LRRC4C: variants seen among roughly 807,000 people sequenced by gnomAD.
LRRC4C encodes the protein leucine rich repeat containing 4C, also known as leucine-rich repeat-containing protein 4C.
In LRRC4C, 5 loss-of-function variants were observed where a neutral mutation model predicts 33.6. The ratio of observed to expected loss-of-function variants is 0.15; its 90% CI spans 0.08 to 0.31. The LOEUF is 0.31. Among genes scored for constraint, LRRC4C ranks in the 10% least tolerant of loss-of-function variants. The pLI is 1.00. For missense variants in LRRC4C, 560 were observed against 796.7 expected, an observed-to-expected ratio of 0.70 and a Z score of 3.58; for synonymous variants, 329 against 302.0, an observed-to-expected ratio of 1.09 and a Z score of -0.93.
chr11:40,488,629 A>T (rs1953992245), intron 3 of LRRC4C, among the ~76,000 whole-genome samples: 1 of 151,962 alleles, frequency 6.6e-6, no homozygotes, highest in Non-Finnish European at 1.5e-5. Flanking sequence ...CTTCTCTTTC[A>T]GCAGCTAGAT....
In LRRC4C at chr11:40,191,012, G is replaced by A. The variant is rs1388061534; in HGVS notation, c.-95-50159C>T. ...GTTTTTTGATCTAGTCAGGGAAAAGGCAGCTACTATTGCTACTACTATTGA... is the reference window on the plus strand; with the variant it reads ...GTTTTTTGATCTAGTCAGGGAAAAGACAGCTACTATTGCTACTACTATTGA... On this transcript the variant is annotated intron_variant, in intron 5 of 6. Coordinates refer to ENST00000528697, the MANE Select transcript of LRRC4C (RefSeq NM_001258419.2). Among the ~76,000 whole-genome samples, 4 of 152,122 alleles carry A rather than the reference G, an allele frequency of 2.6e-5. No homozygotes were observed. The East Asian group carries it at 7.7e-4, about 29-fold the overall frequency.
At chr11:40,503,552 T>C (rs568722265) in intron 3 of LRRC4C, among the ~76,000 whole-genome samples, 24 of 152,294 alleles carry the variant, frequency 1.6e-4, no homozygotes, top group African/African-American at 5.8e-4. Context: ...CCCAATGCAA[T>C]CTTATACCAA....
At chr11:40,322,278 C>T (rs942555140) in intron 3 of LRRC4C, among the ~76,000 whole-genome samples, 6 of 151,886 alleles carry the variant, frequency 4.0e-5, no homozygotes, top group Non-Finnish European at 5.9e-5. Context: ...CAGAGTCTTA[C>T]TCTGTCACTC....
chr11:40,705,565 C>T (rs571067539), intron 2 of LRRC4C, among the ~76,000 whole-genome samples: 341 of 129,152 alleles, frequency 2.6e-3, no homozygotes, highest in Non-Finnish European at 4.2e-3. Flanking sequence ...CATAGTATTC[C>T]GTGGTGTATA....
chr11:40,162,586 A>G (rs780261158), intron 5 of LRRC4C, among the ~76,000 whole-genome samples: 1 of 152,158 alleles, frequency 6.6e-6, no homozygotes, highest in Non-Finnish European at 1.5e-5. Flanking sequence ...TTAGATGGTA[A>G]GGTACATAAA....
chr11:40,597,276 C>T (rs1959440600), intron 3 of LRRC4C, among the ~76,000 whole-genome samples: 1 of 152,090 alleles, frequency 6.6e-6, no homozygotes, highest in Admixed American at 6.6e-5. Context: ...AGAAATTAAG[C>T]TATAGACAAT....
At chr11:40,724,645 C>T (rs1357677950) in intron 2 of LRRC4C, among the ~76,000 whole-genome samples, 1 of 152,126 alleles carries the variant, frequency 6.6e-6, no homozygotes, top group African/African-American at 2.4e-5. Flanking sequence ...CAAATACCTA[C>T]ATCAATACCA....
At chr11:40,857,159 T>A (rs7944536) in intron 2 of LRRC4C, among the ~76,000 whole-genome samples, 23,685 of 152,212 alleles carry the variant, frequency 0.16, 3,861 homozygotes, top group African/African-American at 0.42. Flanking sequence ...TGGAATAAAA[T>A]AATTTTACAC....
chr11:40,320,965 C>A (rs1470073533), intron 3 of LRRC4C, among the ~76,000 whole-genome samples: 1 of 152,090 alleles, frequency 6.6e-6, no homozygotes, highest in Non-Finnish European at 1.5e-5. Flanking sequence ...ATTTGAGATT[C>A]ATGTATTACT....
chr11:40,367,639 T>C (rs1182957071), intron 3 of LRRC4C, among the ~76,000 whole-genome samples: 2 of 152,130 alleles, frequency 1.3e-5, no homozygotes, highest in Admixed American at 6.6e-5. Context: ...TTCCAAGTCA[T>C]GGACCTGCTT....
intron 2 of LRRC4C, among the ~76,000 whole-genome samples, chr11:40,717,828 C>T (rs1946808366): frequency 6.6e-6 from 1 of 152,064 alleles, no homozygotes; most frequent in African/African-American, 2.4e-5. Context: ...CTATGAAAAC[C>T]CCTGGCTTCC....
intron 2 of LRRC4C, among the ~76,000 whole-genome samples, chr11:40,692,884 T>G (rs1945290918): frequency 6.6e-6 from 1 of 152,070 alleles, no homozygotes; most frequent in Non-Finnish European, 1.5e-5. Flanking sequence ...CTATGAACCC[T>G]ACACATAAAA....
intron 3 of LRRC4C, among the ~76,000 whole-genome samples, chr11:40,577,820 GTTTTCTT>G (rs1258662254): frequency 4.9e-5 from 7 of 142,604 alleles, no homozygotes; most frequent in East Asian, 2.1e-4. Flanking sequence ...TTGTTTGTTT[GTTTTCTT>G]TTTTCTTTTT....
intron 1 of LRRC4C, among the ~76,000 whole-genome samples, chr11:40,952,896 A>ACACACACACACT (rs1156767689): frequency 1.4e-5 from 1 of 70,160 alleles, no homozygotes; most frequent in Non-Finnish European, 3.0e-5. Flanking sequence ...ACACACACAC[A>ACACACACACACT]CTCTCTCTCT....
chr11:40,869,342 G>A (rs1435120313), intron 2 of LRRC4C, among the ~76,000 whole-genome samples: 2 of 152,110 alleles, frequency 1.3e-5, no homozygotes, highest in Non-Finnish European at 2.9e-5. Context: ...GACATAAGCA[G>A]GGGCAGGAGA....
At chr11:40,895,173 T>A (rs970780794) in intron 2 of LRRC4C, among the ~76,000 whole-genome samples, 1 of 152,150 alleles carries the variant, frequency 6.6e-6, no homozygotes, top group African/African-American at 2.4e-5. Flanking sequence ...TAGAAATGTT[T>A]TTAAACTATA....
At chr11:41,075,727 G>T (rs78777444) in intron 1 of LRRC4C, among the ~76,000 whole-genome samples, 2,923 of 152,148 alleles carry the variant, frequency 0.019, 101 homozygotes, top group African/African-American at 0.067. Context: ...AGTTATCTAT[G>T]TGTATTATCT....
intron 2 of LRRC4C, among the ~76,000 whole-genome samples, chr11:40,870,700 C>T (rs1729606148): frequency 1.3e-5 from 2 of 152,244 alleles, no homozygotes; most frequent in South Asian, 2.1e-4. Context: ...ATCCCATCAC[C>T]TTCCTAAGCT....
chr11:40,667,414 G>A (rs1190315710), intron 2 of LRRC4C, among the ~76,000 whole-genome samples: 1 of 152,132 alleles, frequency 6.6e-6, no homozygotes, highest in Non-Finnish European at 1.5e-5. Flanking sequence ...GAAACTTTGA[G>A]TTGCCTCCCA....
Sources: gnomAD v4.1 joint callset for allele counts (sites outside exome capture counted in the v4.1 genomes callset) on GRCh38, gnomAD v4.1.1 for gene constraint, MANE v1.5 for transcripts, NCBI Gene and HGNC (gene_info 2026-07-23, HGNC 2026-07-21) for gene names.